The following PID1 variants were observed in gnomAD, a reference collection of about 807,000 sequenced individuals.
PID1 encodes the protein phosphotyrosine interaction domain containing 1.
PID1 carries 10 observed loss-of-function variants against 19.1 expected under a neutral mutation model. That is an observed-to-expected ratio of 0.52 (90% CI 0.32 to 0.89). PID1 has a LOEUF of 0.89. PID1 is among the 40% of genes least tolerant of loss of function. The probability of loss-of-function intolerance (pLI) is 0.03; values close to 1 mark genes in which losing one functional copy is unlikely to be tolerated. For missense variants in PID1, 248 were observed against 285.3 expected, an observed-to-expected ratio of 0.87 and a Z score of 0.94; for synonymous variants, 130 against 116.0, an observed-to-expected ratio of 1.12 and a Z score of -0.78.
intron 1 of PID1, among the ~76,000 whole-genome samples, chr2:229,253,342 C>T (rs1300926859): frequency 2.0e-5 from 3 of 152,096 alleles, no homozygotes; most frequent in Non-Finnish European, 4.4e-5. Context: ...CTTAAAATGA[C>T]ACTCTGCTTT....
At chr2:229,094,176 C>T (rs1574623546) in intron 2 of PID1, among the ~76,000 whole-genome samples, 2 of 152,070 alleles carry the variant, frequency 1.3e-5, no homozygotes, top group South Asian at 4.1e-4. Flanking sequence ...AAATCAAGAA[C>T]TCAATCCGCT....
Position 229,220,437 on chromosome 2 carries a change from C to T in PID1, c.30+50577G>A, listed in dbSNP as rs548346447. Among the ~76,000 whole-genome samples the T allele has an allele frequency of 3.9e-5, 6 of 152,252 alleles. No individual in the cohort carries two copies. In the East Asian group the frequency reaches 5.8e-4, roughly 15 times the overall value. Reference sequence around the variant, plus strand: ...TGAGTCACAGAGACCCAGAAGTTGGCCCCAAGCCCACATGGGTTGGACGTC... The same window carrying T: ...TGAGTCACAGAGACCCAGAAGTTGGTCCCAAGCCCACATGGGTTGGACGTC... On this transcript the variant is annotated intron_variant, in intron 1 of 2. Coordinates refer to ENST00000392055, the MANE Select transcript of PID1 (RefSeq NM_001100818.2).
intron 2 of PID1, among the ~76,000 whole-genome samples, chr2:229,031,215 C>CAAAAAAAAA (rs3083804): frequency 0.22 from 15,037 of 66,882 alleles, 2,715 homozygotes; most frequent in Non-Finnish European, 0.27. Flanking sequence ...GACTCTGTCT[C>CAAAAAAAAA]AAAAAAAAAA....
At chr2:229,036,364 G>GT (rs1559203846) in intron 2 of PID1, among the ~76,000 whole-genome samples, 3 of 152,254 alleles carry the variant, frequency 2.0e-5, no homozygotes, top group South Asian at 2.1e-4. Flanking sequence ...TCAAAGCTAG[G>GT]TTTTTTCTTT....
intron 2 of PID1, among the ~76,000 whole-genome samples, chr2:229,062,645 C>A (rs1694235798): frequency 6.6e-6 from 1 of 151,876 alleles, no homozygotes; most frequent in Admixed American, 6.6e-5. Flanking sequence ...TAATGTTGGC[C>A]TCATTAAATG....
chr2:229,098,674 C>T (rs1695018806), intron 2 of PID1, among the ~76,000 whole-genome samples: 1 of 152,092 alleles, frequency 6.6e-6, no homozygotes, highest in Non-Finnish European at 1.5e-5. Flanking sequence ...TTGTCTACTC[C>T]TCGATTGCAT....
At chr2:229,115,019 T>C (rs1695381594) in intron 2 of PID1, among the ~76,000 whole-genome samples, 1 of 152,188 alleles carries the variant, frequency 6.6e-6, no homozygotes, top group Admixed American at 6.5e-5. Context: ...CATCTTAATT[T>C]TTTGCAAGAA....
intron 1 of PID1, among the ~76,000 whole-genome samples, chr2:229,260,992 A>G (rs1256175519): frequency 2.0e-5 from 3 of 152,092 alleles, no homozygotes; most frequent in Non-Finnish European, 4.4e-5. Flanking sequence ...TTTGGTCAGT[A>G]AGGTGGGCTC....
Position 229,127,115 on chromosome 2 carries a change from T to C in PID1, c.177+28703A>G, listed in dbSNP as rs533955800. On this transcript the variant is annotated intron_variant, in intron 2 of 2. Transcript: ENST00000392055. ...CACCACTCTGCCCACATTTCATTGCTCAGATCTCAATCATTTAGGACACCC... is the reference window on the plus strand; with the variant it reads ...CACCACTCTGCCCACATTTCATTGCCCAGATCTCAATCATTTAGGACACCC... 6.4e-4 allele frequency among the ~76,000 whole-genome samples: 98 copies of C among 152,302 alleles called. 1 individual carries two copies. Among genetic ancestry groups the C allele is most frequent in the African/African-American group, 2.1e-3 (86 of 41,570 alleles).
At chr2:229,232,469 G>C (rs1692231685) in intron 1 of PID1, among the ~76,000 whole-genome samples, 1 of 132,782 alleles carries the variant, frequency 7.5e-6, no homozygotes. Context: ...TCTCTCTTAA[G>C]GTCATCACTT....
At chr2:229,106,090 G>A (rs868574675) in intron 2 of PID1, among the ~76,000 whole-genome samples, 8 of 65,904 alleles carry the variant, frequency 1.2e-4, no homozygotes, top group Admixed American at 3.2e-4. Context: ...AAAAAAAAAA[G>A]GGAAAAGAAG....
intron 1 of PID1, among the ~76,000 whole-genome samples, chr2:229,231,029 G>T (rs546775068): frequency 1.3e-5 from 2 of 152,168 alleles, no homozygotes; most frequent in South Asian, 2.1e-4. Flanking sequence ...GGCATGTCCA[G>T]CCATGAAGCA....
chr2:229,217,031 C>T (rs1691863109), intron 1 of PID1, among the ~76,000 whole-genome samples: 1 of 152,258 alleles, frequency 6.6e-6, no homozygotes, highest in Admixed American at 6.5e-5. Flanking sequence ...TAGATAAAAT[C>T]ACTATACAAC....
chr2:229,200,141 C>T (rs1257727254), intron 1 of PID1, among the ~76,000 whole-genome samples: 1 of 151,858 alleles, frequency 6.6e-6, no homozygotes, highest in East Asian at 1.9e-4. Flanking sequence ...CTGCACTCCC[C>T]CGACTCATCC....
chr2:229,266,193 T>A (rs568198149), intron 1 of PID1, among the ~76,000 whole-genome samples: 5 of 152,140 alleles, frequency 3.3e-5, no homozygotes, highest in Admixed American at 2.6e-4. Context: ...GAGAAACCTG[T>A]GCCTCTGTAA....
intron 1 of PID1, among the ~76,000 whole-genome samples, chr2:229,183,168 G>A (rs895159289): frequency 7.9e-5 from 12 of 152,168 alleles, no homozygotes; most frequent in South Asian, 6.2e-4. Flanking sequence ...GAGACGCATG[G>A]GAGTACACCA....
intron 1 of PID1, among the ~76,000 whole-genome samples, chr2:229,163,646 A>AGTGTGT (rs781261716): frequency 7.3e-6 from 1 of 136,810 alleles, no homozygotes; most frequent in African/African-American, 2.6e-5. Flanking sequence ...AGGGAGAGAG[A>AGTGTGT]GAGAGTGTGT....
chr2:229,211,971 G>A (rs2106250106), intron 1 of PID1, among the ~76,000 whole-genome samples: 1 of 152,322 alleles, frequency 6.6e-6, no homozygotes, highest in East Asian at 1.9e-4. Flanking sequence ...CAGTAAATCA[G>A]AATCTTAGTT....
intron 1 of PID1, among the ~76,000 whole-genome samples, chr2:229,207,939 T>A (rs1691644517): frequency 6.6e-6 from 1 of 152,096 alleles, no homozygotes; most frequent in African/African-American, 2.4e-5. Context: ...GATGAGAGGA[T>A]TAACTCAGTG....
Sources: gnomAD v4.1 joint callset for allele counts (sites outside exome capture counted in the v4.1 genomes callset) on GRCh38, gnomAD v4.1.1 for gene constraint, MANE v1.5 for transcripts, NCBI Gene and HGNC (gene_info 2026-07-23, HGNC 2026-07-21) for gene names.